The following CNTLN variants were observed in gnomAD, a reference collection of about 807,000 sequenced individuals.
CNTLN encodes centlein, also known as centlein, centrosomal protein.
In CNTLN, 212 loss-of-function variants were observed where a neutral mutation model predicts 180.0. The ratio of observed to expected loss-of-function variants is 1.18; its 90% CI spans 1.05 to 1.32. The LOEUF is 1.32. CNTLN is among the 40% of genes most tolerant of loss of function. The pLI is 0.00. For synonymous variants in CNTLN, 722 were observed against 563.1 expected (o/e 1.28, Z -3.99); for missense variants, 2,095 against 1,610.9 (o/e 1.30, Z -5.14).
At chr9:17,358,513 G>T (rs567664446) in intron 12 of CNTLN, among the ~76,000 whole-genome samples, 1 of 152,016 alleles carries the variant, frequency 6.6e-6, no homozygotes, top group Non-Finnish European at 1.5e-5. Flanking sequence ...AGACGTACAC[G>T]TGTGTATGTA....
chr9:17,506,466 G>A (rs1833933615), downstream of CNTLN, among the ~76,000 whole-genome samples: 1 of 152,036 alleles, frequency 6.6e-6, no homozygotes, highest in South Asian at 2.1e-4. Context: ...AATAAGCTTG[G>A]GGCTATGGCT....
chr9:17,215,837 G>T (rs1823711273), intron 2 of CNTLN, among the ~76,000 whole-genome samples: 1 of 152,184 alleles, frequency 6.6e-6, no homozygotes, highest in South Asian at 2.1e-4. Flanking sequence ...CCGTGGGTGT[G>T]GGACCCTCTG....
intron 18 of CNTLN, among the ~76,000 whole-genome samples, chr9:17,454,870 G>A (rs888229186): frequency 1.3e-5 from 2 of 152,140 alleles, no homozygotes; most frequent in African/African-American, 2.4e-5. Flanking sequence ...TGTTCTTAAC[G>A]TGACTTAAAT....
chr9:17,483,391 A>T (rs1263519150), intron 23 of CNTLN, among the ~76,000 whole-genome samples: 2 of 152,190 alleles, frequency 1.3e-5, no homozygotes. Context: ...GAGAACAGGG[A>T]TAGAATTAAG....
chr9:17,394,574 G>C lies in CNTLN; in HGVS notation c.2120G>C (p.Arg707Thr). The change falls in exon 15 of 26, where the codon AGG becomes ACG. Residue 707 changes from arginine to threonine, a missense_variant. Physicochemically the swap from Arg to Thr is moderately conservative, Grantham distance 71. Coordinates refer to ENST00000380647, the MANE Select transcript of CNTLN (RefSeq NM_017738.4). ...AATCGGCTGAAATCTTTTGAGAAAA[G>C]GTCGAGAAAATTAAAAGAAGGGAAT... is the stretch of plus-strand genomic sequence containing the variant. The part of the protein sequence containing the change: ...LENRLKSFEK[R>T]SRKLKEGNKK... The C allele has an allele frequency of 6.3e-7, 1 of 1,590,480 alleles. No individual in the cohort carries two copies. The highest frequency in any genetic ancestry group is 8.5e-7 in the Non-Finnish European group (1 of 1,173,564).
intron 7 of CNTLN, chr9:17,301,701 A>G: frequency 4.2e-6 from 4 of 961,106 alleles, no homozygotes; most frequent in Non-Finnish European, 4.9e-6. Context: ...ACTCAATTTG[A>G]AAATATTCTT....
chr9:17,269,218 A>C (rs1476110361), intron 5 of CNTLN, among the ~76,000 whole-genome samples: 1 of 150,804 alleles, frequency 6.6e-6, no homozygotes, highest in East Asian at 2.0e-4. Flanking sequence ...TCCAAATCCA[A>C]CTCTTATTTA....
chr9:17,492,316 C>T (rs369079846), intron 25 of CNTLN, among the ~76,000 whole-genome samples: 104 of 151,418 alleles, frequency 6.9e-4, no homozygotes, highest in African/African-American at 2.3e-3. Context: ...TGTAGTTTTA[C>T]CTCCTCTAAT....
At chr9:17,179,093 A>C (rs1820943023) in intron 2 of CNTLN, among the ~76,000 whole-genome samples, 1 of 149,942 alleles carries the variant, frequency 6.7e-6, no homozygotes, top group African/African-American at 2.5e-5. Flanking sequence ...AAATACAAAA[A>C]ATTAGCCGGG....
the CNTLN span, among the ~76,000 whole-genome samples, chr9:17,516,807 C>G: frequency 1.3e-5 from 2 of 152,132 alleles, no homozygotes; most frequent in African/African-American, 4.8e-5. Flanking sequence ...GTAGCATTTT[C>G]TGAGCCCCAA....
intron 5 of CNTLN, among the ~76,000 whole-genome samples, chr9:17,255,281 C>G (rs1479154559): frequency 6.6e-6 from 1 of 151,596 alleles, no homozygotes; most frequent in East Asian, 1.9e-4. Flanking sequence ...AGAGAAAAAG[C>G]TTTTAGTCTT....
chr9:17,278,292 A>G (rs567419674), intron 6 of CNTLN, among the ~76,000 whole-genome samples: 49 of 150,902 alleles, frequency 3.2e-4, no homozygotes, highest in African/African-American at 1.1e-3. Context: ...ACTCTTTTTC[A>G]GAACTTTTCT....
At chr9:17,405,559 G>C (rs190749462) in intron 15 of CNTLN, among the ~76,000 whole-genome samples, 1 of 151,480 alleles carries the variant, frequency 6.6e-6, no homozygotes, top group Non-Finnish European at 1.5e-5. Context: ...ACATTAAATC[G>C]TTCATGAGGA....
Position 17,236,466 on chromosome 9 carries a change from C to G in CNTLN, c.727C>G (p.Leu243Val), listed in dbSNP as rs958151405. The change falls in exon 5 of 26, where the codon CTG (leucine) becomes GTG (valine). Residue 243 changes from leucine to valine, a missense_variant. By Grantham distance (32) the Leu-to-Val change is conservative. Transcript: ENST00000380647. ...GCAAAACAGACTAGTTATAAAAAAT[C>G]TGGAGGAGGAAAACAAGAAATTAAG... ...EEQNRLVIKN[L>V]EEENKKLSTR... is the part of the protein sequence containing the mutation. 1.9e-6 allele frequency: 3 copies of G among 1,613,422 alleles called. No homozygotes were observed. In the African/African-American group the frequency reaches 4.0e-5, roughly 22 times the overall value.
At chr9:17,354,885 C>A (rs1477687131) in intron 12 of CNTLN, among the ~76,000 whole-genome samples, 2 of 152,102 alleles carry the variant, frequency 1.3e-5, no homozygotes, top group African/African-American at 4.8e-5. Flanking sequence ...TGTAACACCG[C>A]CAAGATCTGC....
intron 25 of CNTLN, among the ~76,000 whole-genome samples, chr9:17,496,538 G>A (rs1043621308): frequency 1.3e-5 from 2 of 152,104 alleles, no homozygotes; most frequent in South Asian, 2.1e-4. Context: ...CCATCACATT[G>A]CAGTTTAGGA....
At chr9:17,168,756 C>CT (rs1030323845) in intron 2 of CNTLN, among the ~76,000 whole-genome samples, 229 of 151,682 alleles carry the variant, frequency 1.5e-3, no homozygotes, top group African/African-American at 4.5e-3. Flanking sequence ...TGATAAAGAC[C>CT]TTTTTTTTCA....
At chr9:17,190,481 A>G (rs1031941655) in intron 2 of CNTLN, among the ~76,000 whole-genome samples, 4 of 152,096 alleles carry the variant, frequency 2.6e-5, no homozygotes, top group Admixed American at 2.0e-4. Context: ...TAATTTTAAC[A>G]TGGCTATTAA....
intron 18 of CNTLN, among the ~76,000 whole-genome samples, chr9:17,441,741 A>G (rs1404298079): frequency 6.6e-6 from 1 of 152,154 alleles, no homozygotes; most frequent in Non-Finnish European, 1.5e-5. Context: ...TTCCCCAGTC[A>G]AGAGATGGAG....
Sources: gnomAD v4.1 joint callset for allele counts (sites outside exome capture counted in the v4.1 genomes callset) on GRCh38, gnomAD v4.1.1 for gene constraint, MANE v1.5 for transcripts, NCBI Gene and HGNC (gene_info 2026-07-23, HGNC 2026-07-21) for gene names.